The following MTDH variants were observed in gnomAD, a reference collection of about 807,000 sequenced individuals.
MTDH encodes protein LYRIC.
Under a neutral mutation model 72.7 loss-of-function variants are expected in MTDH, and 34 were observed. The observed-to-expected ratio is 0.47, with a 90% CI of 0.36 to 0.62. MTDH has a LOEUF of 0.62. Ranked by LOEUF, MTDH falls within the 20% of genes least tolerant of loss-of-function variation. The pLI is 0.00. For missense variants in MTDH, 677 were observed against 699.4 expected, an observed-to-expected ratio of 0.97 and a Z score of 0.36; for synonymous variants, 266 against 268.9, an observed-to-expected ratio of 0.99 and a Z score of 0.10.
chr8:97,697,148 A>ATTTTTTTTTTTTT (rs1324445962), intron 6 of MTDH, among the ~76,000 whole-genome samples: 3 of 68,494 alleles, frequency 4.4e-5, no homozygotes, highest in African/African-American at 2.9e-4. Context: ...ATATATATAT[A>ATTTTTTTTTTTTT]TATTTTTTTT....
intron 2 of MTDH, among the ~76,000 whole-genome samples, chr8:97,685,740 A>G (rs1813333827): frequency 6.6e-6 from 1 of 151,788 alleles, no homozygotes; most frequent in African/African-American, 2.4e-5. Context: ...AGCCTGGGTG[A>G]CAGAGCAAGA....
At chr8:97,708,055 G>C (rs1357160364) in intron 8 of MTDH, among the ~76,000 whole-genome samples, 1 of 150,866 alleles carries the variant, frequency 6.6e-6, no homozygotes, top group Non-Finnish European at 1.5e-5. Context: ...TGCAATCTCT[G>C]CCTCCTGAGT....
At chr8:97,723,083 T>C (rs373725797) in intron 11 of MTDH, 48 bp downstream of exon 11, 1 of 1,578,112 alleles carries the variant, frequency 6.3e-7, no homozygotes, top group Admixed American at 1.8e-5. Context: ...ACATTTTTCA[T>C]GTGTTAAGGT....
At chr8:97,674,953 G>A (rs928250309) in intron 2 of MTDH, among the ~76,000 whole-genome samples, 1 of 152,030 alleles carries the variant, frequency 6.6e-6, no homozygotes, top group African/African-American at 2.4e-5. Context: ...TGGGACTACA[G>A]GCATGCACCA....
Position 97,644,736 on chromosome 8 carries a change from G to A in MTDH, c.230G>A (p.Gly77Asp). The change falls in exon 1 of 12, where the codon GGC becomes GAC. Residue 77 changes from glycine (G) to aspartate (D), a missense_variant. Gly to Asp is a moderately conservative substitution (Grantham distance 94). Around this residue, in one of 3 missense-constraint regions of MTDH, gnomAD observed 467 missense variants for 469.1 expected, o/e 1.00. Coordinates refer to ENST00000336273, the MANE Select transcript of MTDH (RefSeq NM_178812.4). ...TACGGCTGGGCCGCGGCTTGCGCCG[G>A]CGCCCGCAAAAAGCGGAGGAGCCCG... The part of the protein sequence containing the change: ...LGYGWAAACA[G>D]ARKKRRSPPR... 3 of 1,576,758 alleles carry A rather than the reference G, an allele frequency of 1.9e-6. No individual in the cohort carries two copies. The highest frequency in any genetic ancestry group is 2.6e-6 in the Non-Finnish European group (3 of 1,168,200).
chr8:97,691,003 A>C lies in MTDH; in HGVS notation c.863A>C (p.Glu288Ala), dbSNP rs1212107692. The change falls in exon 6 of 12, where the codon GAA becomes GCA. Residue 288 changes from glutamate (E) to alanine (A), a missense_variant. By Grantham distance (107) the Glu-to-Ala change is moderately radical (BLOSUM62 -1). This residue lies in a region of MTDH where 467 missense variants were observed against 469.1 expected (regional missense o/e 1.00). Coordinates refer to ENST00000336273, the MANE Select transcript of MTDH (RefSeq NM_178812.4). ...ACTGTCAATGGAGGAGGCTGGAATG[A>C]AAAGTCTGTAAAACTCTCCTCACAG... ...NLTVNGGGWN[E>A]KSVKLSSQIS... 6.2e-7 allele frequency: 1 copy of C among 1,614,094 alleles called. No homozygotes were observed. Among genetic ancestry groups the C allele is most frequent in the Non-Finnish European group, 8.5e-7 (1 of 1,179,972 alleles).
chr8:97,677,004 C>A (rs867205837), intron 2 of MTDH, among the ~76,000 whole-genome samples: 24 of 23,320 alleles, frequency 1.0e-3, no homozygotes, highest in African/African-American at 1.3e-3. Flanking sequence ...GACTCTATCT[C>A]AAAAAAAAAA....
intron 2 of MTDH, among the ~76,000 whole-genome samples, chr8:97,664,385 A>T: frequency 6.6e-6 from 1 of 151,500 alleles, no homozygotes. Flanking sequence ...CAGTTTCTGG[A>T]CTAGGATGTG....
chr8:97,709,143 AAGGTTGTGC>A (rs1218807561), intron 8 of MTDH, among the ~76,000 whole-genome samples: 4 of 151,284 alleles, frequency 2.6e-5, no homozygotes, highest in Non-Finnish European at 5.9e-5. Flanking sequence ...ACAGTGAGCC[AAGGTTGTGC>A]CACTGCACTC....
Position 97,683,045 on chromosome 8 carries a change from CTTTTTTTTTTTTTTTTT to C in MTDH, c.484-3602_484-3586del, listed in dbSNP as rs71271144. 6.1e-4 allele frequency among the ~76,000 whole-genome samples: 27 copies of C among 44,384 alleles called. No homozygotes were observed. The East Asian group carries it at 0.013, about 21-fold the overall frequency. 29.1% of individuals were successfully genotyped at this position (44,384 alleles called of 152,430 possible). On this transcript the variant is annotated intron_variant, in intron 2 of 11. Coordinates refer to ENST00000336273, the MANE Select transcript of MTDH (RefSeq NM_178812.4). ...CTTTACCCTATGATGCTCTTAGACACTTTTTTTTTTTTTTTTTTTTTTTTTTTTTTTTTTTTTGAGAT... is the reference window on the plus strand; with the variant it reads ...CTTTACCCTATGATGCTCTTAGACACTTTTTTTTTTTTTTTTTTTTGAGAT...
At chr8:97,694,601 G>T (rs1017973389) in intron 6 of MTDH, among the ~76,000 whole-genome samples, 1 of 152,128 alleles carries the variant, frequency 6.6e-6, no homozygotes, top group African/African-American at 2.4e-5. Flanking sequence ...GAAAAATTGT[G>T]TAGCGGTATC....
chr8:97,701,415 A>G (rs916504377), intron 7 of MTDH, among the ~76,000 whole-genome samples: 2 of 152,338 alleles, frequency 1.3e-5, no homozygotes, highest in Non-Finnish European at 2.9e-5. Context: ...GGGAATAATG[A>G]CAAGAAAAAA....
rs76334237 is a variant in MTDH at position 97,664,504 on chromosome 8, A to G, written c.483+3331A>G. Among the ~76,000 whole-genome samples the G allele has an allele frequency of 1.8e-4, 27 of 152,292 alleles. 1 individual carries two copies. The East Asian group carries it at 4.4e-3, about 25-fold the overall frequency. The stretch of plus-strand genomic sequence containing the variant: ...AGTTTCTACCTTTGGTTTCTTGCCT[A>G]TTCTATTTGACTTTTCAAATAATAA... On this transcript the variant is annotated intron_variant, in intron 2 of 11. Coordinates refer to ENST00000336273, the MANE Select transcript of MTDH (RefSeq NM_178812.4).
chr8:97,677,830 C>G (rs1393795581), intron 2 of MTDH, among the ~76,000 whole-genome samples: 1 of 151,974 alleles, frequency 6.6e-6, no homozygotes, highest in African/African-American at 2.4e-5. Flanking sequence ...ATGCATTATT[C>G]TATATGACAA....
chr8:97,694,796 G>A (rs535861047), intron 6 of MTDH, among the ~76,000 whole-genome samples: 20 of 152,080 alleles, frequency 1.3e-4, no homozygotes, highest in African/African-American at 4.3e-4. Context: ...GGTGGCACGT[G>A]CCTGTAATCC....
At chr8:97,671,370 T>G (rs960593904) in intron 2 of MTDH, among the ~76,000 whole-genome samples, 1 of 152,194 alleles carries the variant, frequency 6.6e-6, no homozygotes, top group African/African-American at 2.4e-5. Flanking sequence ...CAAACACAGA[T>G]ATATGAATCC....
chr8:97,646,531 A>G (rs1005105571), intron 1 of MTDH, among the ~76,000 whole-genome samples: 1 of 152,232 alleles, frequency 6.6e-6, no homozygotes, highest in African/African-American at 2.4e-5. Context: ...ACATTGTGAA[A>G]ATTTCAAAGC....
intron 2 of MTDH, among the ~76,000 whole-genome samples, chr8:97,674,565 C>A (rs144314726): frequency 1.4e-3 from 214 of 152,218 alleles, no homozygotes; most frequent in African/African-American, 4.8e-3. Context: ...GTGAAGCAAT[C>A]TAAAGTAGGA....
rs183764337 is a variant in MTDH at position 97,676,881 on chromosome 8, C to T, written c.484-9787C>T. ...TTAGCTGGGCGTGGTGGCACATACC[C>T]GTAGTCCCAGCTACTCAGGAGGCTG... On this transcript the variant is annotated intron_variant, in intron 2 of 11. Coordinates refer to ENST00000336273, the MANE Select transcript of MTDH (RefSeq NM_178812.4). Among the ~76,000 whole-genome samples, 447 of 151,318 alleles carry T rather than the reference C, an allele frequency of 3.0e-3. 1 individual carries two copies. The highest frequency in any genetic ancestry group is 9.0e-3 in the African/African-American group (370 of 41,252).
Sources: gnomAD v4.1 joint callset for allele counts (sites outside exome capture counted in the v4.1 genomes callset) on GRCh38, gnomAD v4.1.1 for gene constraint, gnomAD v4.1.1 regional missense constraint, MANE v1.5 for transcripts, NCBI Gene and HGNC (gene_info 2026-07-23, HGNC 2026-07-21) for gene names.